RAP1B: variants seen among roughly 807,000 people sequenced by gnomAD.
RAP1B encodes the protein ras-related protein Rap-1b.
A neutral mutation model predicts 27.5 loss-of-function variants in RAP1B; 1 was observed. The observed-to-expected ratio is 0.04, with a 90% confidence interval of 0.01 to 0.17. The LOEUF (loss-of-function observed/expected upper bound fraction) is 0.17. Among genes scored for constraint, RAP1B ranks in the 10% least tolerant of loss-of-function variants. RAP1B has a pLI of 1.00. For synonymous variants in RAP1B, 75 were observed against 73.1 expected (o/e 1.03, Z -0.13); for missense variants, 84 against 214.8 (o/e 0.39, Z 3.81).
At chr12:68,648,192 A>AT (rs1239621322) in intron 1 of RAP1B, 1 of 153,398 alleles carries the variant, frequency 6.5e-6, no homozygotes, top group Admixed American at 6.4e-5. Context: ...GGGAACTCAT[A>AT]TTCTTCAGTT....
chr12:68,618,667 G>C (rs1416108558), intron 1 of RAP1B, among the ~76,000 whole-genome samples: 1 of 152,110 alleles, frequency 6.6e-6, no homozygotes, highest in Non-Finnish European at 1.5e-5. Flanking sequence ...AACTTCTGGC[G>C]CTTTAGAATA....
intron 1 of RAP1B, among the ~76,000 whole-genome samples, chr12:68,614,014 TC>T (rs1399329955): frequency 6.6e-6 from 1 of 152,190 alleles, no homozygotes; most frequent in Non-Finnish European, 1.5e-5. Context: ...AATAACTAGA[TC>T]CATTTTTGTA....
chr12:68,623,262 A>C (rs1433061523), intron 1 of RAP1B, among the ~76,000 whole-genome samples: 1 of 152,248 alleles, frequency 6.6e-6, no homozygotes, highest in Non-Finnish European at 1.5e-5. Flanking sequence ...TATTAGAGTC[A>C]AAGGAAGAAG....
intron 1 of RAP1B, among the ~76,000 whole-genome samples, chr12:68,642,336 T>C (rs1476564471): frequency 6.6e-6 from 1 of 152,038 alleles, no homozygotes; most frequent in Non-Finnish European, 1.5e-5. Flanking sequence ...GAGAATGATA[T>C]TAAAAAAAAA....
rs1267836010 is a variant in RAP1B, at chr12:68,661,950, GA to G, written c.*2703del. ...CTTGGTTTCCTCATCTGTAAAATGA[GA>G]ATGATAATACCTACTTCATAGGAGA... On this transcript the variant is annotated 3_prime_UTR_variant, in exon 8 of 8. Transcript: ENST00000250559. The G allele has an allele frequency of 1.2e-4, 18 of 150,164 alleles. No homozygotes were observed. The highest frequency in any genetic ancestry group is 1.1e-3 in the Admixed American group (17 of 15,014). 9.3% of individuals were successfully genotyped at this position (150,164 alleles called of 1,614,324 possible).
At chr12:68,618,929 G>C (rs967993255) in intron 1 of RAP1B, among the ~76,000 whole-genome samples, 2 of 152,090 alleles carry the variant, frequency 1.3e-5, no homozygotes. Flanking sequence ...GCAATGTAGT[G>C]AGAGCCTGTC....
chr12:68,649,757 A>C (rs1873676809), intron 2 of RAP1B: 2 of 152,260 alleles, frequency 1.3e-5, no homozygotes, highest in Admixed American at 1.3e-4. Context: ...TTGATCCTGC[A>C]TGTATGTGTG....
chr12:68,624,125 A>T (rs1871583229), intron 1 of RAP1B, among the ~76,000 whole-genome samples: 1 of 152,144 alleles, frequency 6.6e-6, no homozygotes, highest in South Asian at 2.1e-4. Flanking sequence ...TGAAAATGTT[A>T]CTTTGAAGCA....
intron 1 of RAP1B, among the ~76,000 whole-genome samples, chr12:68,641,610 A>T (rs1229928528): frequency 6.6e-6 from 1 of 152,220 alleles, no homozygotes; most frequent in Non-Finnish European, 1.5e-5. Flanking sequence ...TACTTTCATC[A>T]ATCAGGTTAG....
intron 1 of RAP1B, among the ~76,000 whole-genome samples, chr12:68,638,448 T>A (rs1872771939): frequency 6.6e-6 from 1 of 152,212 alleles, no homozygotes; most frequent in South Asian, 2.1e-4. Flanking sequence ...CTAGTCTTAA[T>A]GGATTTTCCC....
intron 1 of RAP1B, chr12:68,641,020 GTTTTGT>G (rs1318655236): frequency 1.3e-5 from 2 of 151,940 alleles, no homozygotes; most frequent in African/African-American, 2.4e-5. Flanking sequence ...TTTTTGTTTC[GTTTTGT>G]TTTTGAGACA....
chr12:68,658,060 C>T (rs1226220854), intron 7 of RAP1B, among the ~76,000 whole-genome samples: 1 of 152,212 alleles, frequency 6.6e-6, no homozygotes, highest in Non-Finnish European at 1.5e-5. Context: ...CTATTAGCTG[C>T]TGCTGTTTGC....
intron 1 of RAP1B, among the ~76,000 whole-genome samples, chr12:68,648,373 A>G (rs1036636650): frequency 7.2e-5 from 11 of 152,252 alleles, no homozygotes; most frequent in African/African-American, 2.7e-4. Context: ...TTGCTGTTAC[A>G]GCACAGAAGA....
Position 68,669,128 on chromosome 12 carries a change from A to G in RAP1B, c.*9879A>G, listed in dbSNP as rs1479076571. The G allele has an allele frequency of 6.6e-6, 1 of 152,104 alleles. No individual in the cohort carries two copies. Among genetic ancestry groups the G allele is most frequent in the African/African-American group, 2.4e-5 (1 of 41,364 alleles). 9.4% of individuals were successfully genotyped at this position (152,104 alleles called of 1,614,324 possible). A position where few individuals can be genotyped will look rare whatever the true frequency, so the allele number is the denominator to read the frequency against. On this transcript the variant is annotated 3_prime_UTR_variant, in exon 8 of 8. Transcript: ENST00000250559. The stretch of plus-strand genomic sequence containing the variant: ...TATAAGATAAGCATGCCAAAAATCA[A>G]TAGCTTTTCTTTATATTTATAAAAA...
At chr12:68,632,143 TTTG>T (rs1328437513) in intron 1 of RAP1B, among the ~76,000 whole-genome samples, 1 of 134,950 alleles carries the variant, frequency 7.4e-6, no homozygotes, top group Admixed American at 7.4e-5. Context: ...TTTTTTTTTT[TTTG>T]TTTGTTTTTT....
intron 1 of RAP1B, among the ~76,000 whole-genome samples, chr12:68,634,421 A>G (rs1489990567): frequency 1.3e-5 from 2 of 152,204 alleles, no homozygotes; most frequent in African/African-American, 4.8e-5. Context: ...CTGAGTCAGT[A>G]TGCATCCCTG....
intron 6 of RAP1B, 84 bp from the exon 7 acceptor site, chr12:68,657,017 A>G: frequency 3.5e-6 from 4 of 1,128,690 alleles, no homozygotes; most frequent in Non-Finnish European, 5.3e-6. Context: ...TATCCATGGA[A>G]ATTTCTGTTT....
chr12:68,666,593 A>C lies in RAP1B; in HGVS notation c.*7344A>C, dbSNP rs1874865772. On this transcript the variant is annotated 3_prime_UTR_variant, in exon 8 of 8. Transcript: ENST00000250559. ...CTTTTAAAAGGACAATTGTTTTGAC[A>C]TTTAGGGCTTACCCACATACTTCAG... 1 of 152,218 alleles carries C rather than the reference A, an allele frequency of 6.6e-6. No individual in the cohort carries two copies. 9.4% of individuals were successfully genotyped at this position (152,218 alleles called of 1,614,324 possible).
chr12:68,621,259 A>G (rs1270247404), intron 1 of RAP1B, among the ~76,000 whole-genome samples: 1 of 151,226 alleles, frequency 6.6e-6, no homozygotes, highest in Non-Finnish European at 1.5e-5. Context: ...TTAAATAATT[A>G]ACTGGTCTGC....
Sources: allele counts gnomAD v4.1 joint callset (sites outside exome capture counted in the v4.1 genomes callset), GRCh38; gene constraint gnomAD v4.1.1; transcripts MANE v1.5; gene names NCBI Gene and HGNC (gene_info 2026-07-23, HGNC 2026-07-21).